The following ADAMTS2 variants were observed in gnomAD, a reference collection of about 807,000 sequenced individuals.
ADAMTS2 encodes the protein ADAM metallopeptidase with thrombospondin type 1 motif 2.
ADAMTS2 carries 50 observed loss-of-function variants against 123.0 expected under a neutral mutation model. The ratio of observed to expected loss-of-function variants is 0.41; its 90% CI spans 0.32 to 0.51. The LOEUF (loss-of-function observed/expected upper bound fraction) is 0.51. ADAMTS2 is among the 20% of genes least tolerant of loss of function. The probability of loss-of-function intolerance (pLI) is 0.35; values close to 1 mark genes in which losing one functional copy is unlikely to be tolerated. For synonymous variants in ADAMTS2, 678 were observed against 695.4 expected (o/e 0.98, Z 0.39); for missense variants, 1,494 against 1,705.2 (o/e 0.88, Z 2.18).
rs1561774705 is a variant in ADAMTS2, at chr5:179,139,979, G to A, written c.1686C>T (p.Gly562=). 1 of 1,614,076 alleles carries A rather than the reference G, an allele frequency of 6.2e-7. No homozygotes were observed. The highest frequency in any genetic ancestry group is 1.7e-5 in the Admixed American group (1 of 60,030). ...CAAACGGACTCCAAGCGCCCCAGCT[G>A]CCGTCCCGTTTGAGGATGTCAGGTG... ...WLTPDILKRD[G]SWGAWSPFGS... is the part of the protein sequence containing the mutation. Residue 562 remains glycine (G), a synonymous_variant, in exon 11 of 22, where the codon GGC becomes GGT. Coordinates refer to ENST00000251582, the MANE Select transcript of ADAMTS2 (RefSeq NM_014244.5).
chr5:179,183,118 T>A (rs1764085684), intron 4 of ADAMTS2, among the ~76,000 whole-genome samples: 1 of 152,174 alleles, frequency 6.6e-6, no homozygotes, highest in African/African-American at 2.4e-5. Flanking sequence ...CCCTGTGAGG[T>A]CCTGGGGGTA....
At chr5:179,295,422 C>T (rs954595402) in intron 2 of ADAMTS2, among the ~76,000 whole-genome samples, 2 of 152,234 alleles carry the variant, frequency 1.3e-5, no homozygotes, top group African/African-American at 4.8e-5. Flanking sequence ...CCTCCCCGCC[C>T]TGCAAGCTCC....
chr5:179,175,120 G>A lies in ADAMTS2; in HGVS notation c.975+5952C>T, dbSNP rs1421342178. ...GCAGCTGTCTCAGCCATTCTTGACT[G>A]TTCATGTTCCTTTGGAGGAAGTCTC... On this transcript the variant is annotated intron_variant, in intron 5 of 21. Transcript: ENST00000251582. This position sits in a 1 kb window ranked among gnomAD's most constrained non-coding sequence, Gnocchi z 4.1. Among the ~76,000 whole-genome samples, 1 of 145,232 alleles carries A rather than the reference G, an allele frequency of 6.9e-6. No individual in the cohort carries two copies. The highest frequency in any genetic ancestry group is 1.5e-5 in the Non-Finnish European group (1 of 66,480).
intron 2 of ADAMTS2, among the ~76,000 whole-genome samples, chr5:179,306,280 T>C (rs6892931): frequency 0.28 from 41,870 of 152,076 alleles, 6,388 homozygotes; most frequent in Admixed American, 0.43. Context: ...AGACAAGTCA[T>C]GTTTGTCCTG....
rs78528047 is a variant in ADAMTS2 at position 179,172,850 on chromosome 5, T to C, written c.975+8222A>G. 2.1e-4 allele frequency among the ~76,000 whole-genome samples: 32 copies of C among 152,240 alleles called. No individual in the cohort carries two copies. The South Asian group carries it at 6.4e-3, about 31-fold the overall frequency. On this transcript the variant is annotated intron_variant, in intron 5 of 21. Coordinates refer to ENST00000251582, the MANE Select transcript of ADAMTS2 (RefSeq NM_014244.5). ...ATCCTACCATTTTTAAATGATTTTTTAAAAAATCATTTAAAAAATTTAAAT... is the reference window on the plus strand; with the variant it reads ...ATCCTACCATTTTTAAATGATTTTTCAAAAAATCATTTAAAAAATTTAAAT...
intron 2 of ADAMTS2, among the ~76,000 whole-genome samples, chr5:179,304,060 A>G (rs1271054619): frequency 6.6e-6 from 1 of 152,224 alleles, no homozygotes; most frequent in East Asian, 1.9e-4. Context: ...ACCAATGCCC[A>G]GGTCCCAGAC....
intron 12 of ADAMTS2, 64 bp from the exon 13 acceptor site, chr5:179,136,106 G>A: frequency 7.4e-6 from 12 of 1,612,178 alleles, no homozygotes; most frequent in Non-Finnish European, 1.0e-5. Context: ...GTGTGCAAAG[G>A]AGGCACCAAG....
chr5:179,245,286 C>CGGA (rs201782453), intron 3 of ADAMTS2, among the ~76,000 whole-genome samples: 5,586 of 152,164 alleles, frequency 0.037, 331 homozygotes, highest in African/African-American at 0.12. Flanking sequence ...AGATCCTCCC[C>CGGA]GGAGGAGGAC....
intron 4 of ADAMTS2, 42 bp downstream of exon 4, chr5:179,207,471 A>ACCCCCCCCCCCCCCCCCCCCCCCCCCCCC: frequency 9.7e-7 from 1 of 1,026,474 alleles, no homozygotes; most frequent in Non-Finnish European, 1.5e-6. Flanking sequence ...CCCCTGGTTG[A>ACCCCCCCCCCCCCCCCCCCCCCCCCCCCC]CCCTCCCCGC....
chr5:179,118,119 T>C lies in ADAMTS2; in HGVS notation c.3178+3542A>G, dbSNP rs1457903695. On this transcript the variant is annotated intron_variant, in intron 21 of 21. Coordinates refer to ENST00000251582, the MANE Select transcript of ADAMTS2 (RefSeq NM_014244.5). This position sits in a 1 kb window ranked among gnomAD's most constrained non-coding sequence, Gnocchi z 4.5. Reference sequence around the variant, plus strand: ...GATTTTCTCCCCACAGTGGGCGGCATTGCTCTTAGTTTAAAAAAATAAAAA... The same window carrying C: ...GATTTTCTCCCCACAGTGGGCGGCACTGCTCTTAGTTTAAAAAAATAAAAA... Among the ~76,000 whole-genome samples the C allele has an allele frequency of 6.6e-6, 1 of 152,152 alleles. No homozygotes were observed. The highest frequency in any genetic ancestry group is 2.4e-5 in the African/African-American group (1 of 41,448).
chr5:179,242,230 G>T lies in ADAMTS2; in HGVS notation c.688+30681C>A, dbSNP rs1053012965. Among the ~76,000 whole-genome samples, 1 of 152,198 alleles carries T rather than the reference G, an allele frequency of 6.6e-6. No individual in the cohort carries two copies. The highest frequency in any genetic ancestry group is 2.4e-5 in the African/African-American group (1 of 41,454). Reference sequence around the variant, plus strand: ...GCCAAGTCCTAGGAGGAGGAGAGACGCTGAGCCTTGGCAGCCTCGTGTGGG... The same window carrying T: ...GCCAAGTCCTAGGAGGAGGAGAGACTCTGAGCCTTGGCAGCCTCGTGTGGG... On this transcript the variant is annotated intron_variant, in intron 3 of 21. Transcript: ENST00000251582. The surrounding 1 kb of genome is among the most constrained non-coding windows in gnomAD (Gnocchi z 4.2).
At chr5:179,208,091 G>A (rs768001573) in intron 3 of ADAMTS2, among the ~76,000 whole-genome samples, 17 of 151,154 alleles carry the variant, frequency 1.1e-4, no homozygotes, top group South Asian at 6.3e-4. Flanking sequence ...TTCAGCCATG[G>A]AGAGGTCGGG....
Position 179,135,655 on chromosome 5 carries a change from T to C in ADAMTS2, c.2085+254A>G, listed in dbSNP as rs1395942337. ...CTCCCAGGCCGCCACCACCGTGACC[T>C]GTGGAATCAGGACGTCTGAGGTGGA... On this transcript the variant is annotated intron_variant, in intron 13 of 21. Transcript: ENST00000251582. 2.0e-5 allele frequency among the ~76,000 whole-genome samples: 3 copies of C among 151,056 alleles called. No individual in the cohort carries two copies. The East Asian group carries it at 5.9e-4, about 30-fold the overall frequency.
rs1183787965 is a variant in ADAMTS2, at chr5:179,329,163, TA to T, written c.534+14603del. On this transcript the variant is annotated intron_variant, in intron 2 of 21. Transcript: ENST00000251582. ...TAACACGGTGAAACCCCGTCTCTAC[TA>T]AAAATACAAAAAATTAGCCGGGTGT... Among the ~76,000 whole-genome samples, 10 of 151,996 alleles carry T rather than the reference TA, an allele frequency of 6.6e-5. No homozygotes were observed. In the East Asian group the frequency reaches 1.7e-3, roughly 27 times the overall value.
intron 3 of ADAMTS2, among the ~76,000 whole-genome samples, chr5:179,248,656 T>C (rs539897192): frequency 6.6e-6 from 1 of 152,170 alleles, no homozygotes; most frequent in East Asian, 1.9e-4. Flanking sequence ...CAGCATTATA[T>C]ATTGATGAAA....
intron 10 of ADAMTS2, among the ~76,000 whole-genome samples, chr5:179,145,267 G>T (rs11746863): frequency 0.15 from 22,578 of 152,148 alleles, 1,773 homozygotes; most frequent in African/African-American, 0.2. Flanking sequence ...GAAATCTGAA[G>T]CATCATTGCC....
intron 2 of ADAMTS2, among the ~76,000 whole-genome samples, chr5:179,276,792 T>C (rs1766708565): frequency 6.6e-6 from 1 of 152,142 alleles, no homozygotes; most frequent in South Asian, 2.1e-4. Flanking sequence ...TGAGGACCCC[T>C]TATGGCAGCT....
At chr5:179,221,750 C>G (rs1483036858) in intron 3 of ADAMTS2, among the ~76,000 whole-genome samples, 2 of 152,094 alleles carry the variant, frequency 1.3e-5, no homozygotes, top group Non-Finnish European at 2.9e-5. Context: ...ATGCTCACCA[C>G]GCCCCCCTCA....
intron 2 of ADAMTS2, among the ~76,000 whole-genome samples, chr5:179,326,687 C>T (rs2113602554): frequency 6.6e-6 from 1 of 152,244 alleles, no homozygotes; most frequent in Non-Finnish European, 1.5e-5. Context: ...TCATCATAAC[C>T]CACCAGAGTA....
Sources: allele counts gnomAD v4.1 joint callset (sites outside exome capture counted in the v4.1 genomes callset), GRCh38; gene constraint gnomAD v4.1.1; non-coding constraint Gnocchi (gnomAD v3.1); transcripts MANE v1.5; gene names NCBI Gene and HGNC (gene_info 2026-07-23, HGNC 2026-07-21).